The following AGAP1 variants were observed in gnomAD, a reference collection of about 807,000 sequenced individuals.
AGAP1 encodes ArfGAP with GTPase domain, ankyrin repeat and PH domain 1.
AGAP1 carries 29 observed loss-of-function variants against 105.3 expected under a neutral mutation model. That is an observed-to-expected ratio of 0.28 (90% CI 0.21 to 0.38). The LOEUF (loss-of-function observed/expected upper bound fraction) is 0.38, where lower values mean the gene tolerates loss of function less well. Among genes scored for constraint, AGAP1 ranks in the 10% least tolerant of loss-of-function variants. The pLI is 1.00. For synonymous variants in AGAP1, 509 were observed against 485.9 expected, an observed-to-expected ratio of 1.05 and a Z score of -0.63; for missense variants, 998 against 1,165.1, an observed-to-expected ratio of 0.86 and a Z score of 2.09.
Position 235,864,805 on chromosome 2 carries a change from G to C in AGAP1, c.1051-18540G>C, listed in dbSNP as rs2049082372. Among the ~76,000 whole-genome samples, 1 of 152,040 alleles carries C rather than the reference G, an allele frequency of 6.6e-6. No individual in the cohort carries two copies. Among genetic ancestry groups the C allele is most frequent in the Admixed American group, 6.5e-5 (1 of 15,268 alleles). Reference sequence around the variant, plus strand: ...CCTTTGGATGGAGGAGGTTTGGTTTGGTCTTAGTACCCCAGCATACAGTAG... The same window carrying C: ...CCTTTGGATGGAGGAGGTTTGGTTTCGTCTTAGTACCCCAGCATACAGTAG... On this transcript the variant is annotated intron_variant, in intron 9 of 17. Coordinates refer to ENST00000304032, the MANE Select transcript of AGAP1 (RefSeq NM_001037131.3). This position sits in a 1 kb window ranked among gnomAD's most constrained non-coding sequence, Gnocchi z 5.0.
chr2:235,629,268 TTGTGTGTGTGTG>T (rs60059513), intron 1 of AGAP1, among the ~76,000 whole-genome samples: 38,342 of 135,810 alleles, frequency 0.28, 5,302 homozygotes, highest in Admixed American at 0.34. Context: ...GTAGTAGTCA[TTGTGTGTGTGTG>T]TGTGTGTGTG....
chr2:235,721,475 TTATGTGTG>T lies in AGAP1; in HGVS notation c.310+3833_310+3840del, dbSNP rs1559395560. 1.8e-5 allele frequency among the ~76,000 whole-genome samples: 2 copies of T among 108,210 alleles called. No individual in the cohort carries two copies. The highest frequency in any genetic ancestry group is 6.4e-5 in the African/African-American group (2 of 31,050). The allele number at this position is 108,210 out of a possible 152,430, so 71.0% of individuals were successfully genotyped here. A position where few individuals can be genotyped will look rare whatever the true frequency, so the allele number is the denominator to read the frequency against. ...TCTTGGATTGACAGATTCCTTAATA[TTATGTGTG>T]TGTGTGTGTGTGTGTGTGTGTACAC... On this transcript the variant is annotated intron_variant, in intron 3 of 17. Transcript: ENST00000304032. The surrounding 1 kb of genome is among the most constrained non-coding windows in gnomAD (Gnocchi z 4.5).
chr2:235,763,772 T>G (rs1191585102), intron 6 of AGAP1, among the ~76,000 whole-genome samples: 1 of 152,194 alleles, frequency 6.6e-6, no homozygotes, highest in Non-Finnish European at 1.5e-5. Context: ...CCCCCAAATA[T>G]GAAAATAAGT....
rs766913840 is a variant in AGAP1, at chr2:236,090,898, C to G, written c.2115-29294C>G. On this transcript the variant is annotated intron_variant, in intron 16 of 17. Transcript: ENST00000304032. This position sits in a 1 kb window ranked among gnomAD's most constrained non-coding sequence, Gnocchi z 4.3. ...GGGATTACAGGCATGCGCCACCATA[C>G]CCGGCTAATTTTGCATTTTTAGTAG... Among the ~76,000 whole-genome samples the G allele has an allele frequency of 1.2e-4, 18 of 152,282 alleles. No homozygotes were observed. The highest frequency in any genetic ancestry group is 1.8e-4 in the Non-Finnish European group (12 of 68,010).
At chr2:235,795,381 C>T (rs1266287726) in intron 6 of AGAP1, among the ~76,000 whole-genome samples, 5 of 152,204 alleles carry the variant, frequency 3.3e-5, no homozygotes, top group African/African-American at 4.8e-5. Flanking sequence ...AGCATTGACT[C>T]TGTAGTCAGT....
rs1051992971 is a variant in AGAP1, at chr2:235,989,425, C to T, written c.1645+20802C>T. On this transcript the variant is annotated intron_variant, in intron 13 of 17. Transcript: ENST00000304032. This position sits in a 1 kb window ranked among gnomAD's most constrained non-coding sequence, Gnocchi z 4.4. Reference sequence around the variant, plus strand: ...AGGTGAAAACATCAGGAGGAGGGTCCGCAGCTCGATGGTGATGAGTGTAGG... The same window carrying T: ...AGGTGAAAACATCAGGAGGAGGGTCTGCAGCTCGATGGTGATGAGTGTAGG... Among the ~76,000 whole-genome samples the T allele has an allele frequency of 6.6e-6, 1 of 152,056 alleles. No individual in the cohort carries two copies. Among genetic ancestry groups the T allele is most frequent in the Non-Finnish European group, 1.5e-5 (1 of 68,020 alleles).
At chr2:236,077,348 T>C (rs1237916353) in intron 16 of AGAP1, among the ~76,000 whole-genome samples, 1 of 150,918 alleles carries the variant, frequency 6.6e-6, no homozygotes, top group Non-Finnish European at 1.5e-5. Context: ...TGAGACAGTT[T>C]CGCTCTGTTG....
intron 12 of AGAP1, among the ~76,000 whole-genome samples, chr2:235,949,697 C>T (rs2053650670): frequency 6.6e-6 from 1 of 152,134 alleles, no homozygotes; most frequent in South Asian, 2.1e-4. Flanking sequence ...TTCCATTTTC[C>T]ACTTATCCTC....
rs886410183 is a variant in AGAP1 at position 236,062,766 on chromosome 2, A to G, written c.2114+13485A>G. Reference sequence around the variant, plus strand: ...AACCTCCACCTCCTGGGTTCAAGCAAATTCTCTGCCTCAGCCTCCCAAGTA... The same window carrying G: ...AACCTCCACCTCCTGGGTTCAAGCAGATTCTCTGCCTCAGCCTCCCAAGTA... On this transcript the variant is annotated intron_variant, in intron 16 of 17. Transcript: ENST00000304032. The surrounding 1 kb of genome is among the most constrained non-coding windows in gnomAD (Gnocchi z 4.2). 3.3e-5 allele frequency among the ~76,000 whole-genome samples: 5 copies of G among 152,032 alleles called. No individual in the cohort carries two copies. Among genetic ancestry groups the G allele is most frequent in the Middle Eastern group, 3.2e-3 (1 of 314 alleles).
At position 235,670,671 on chromosome 2, in the gene AGAP1, C is replaced by A. The variant is rs977759074; in HGVS notation, c.164-38508C>A. The A allele has an allele frequency of 1.1e-5, 7 of 663,256 alleles. No homozygotes were observed. The African/African-American group carries it at 1.3e-4, about 13-fold the overall frequency. 41.1% of individuals were successfully genotyped at this position (663,256 alleles called of 1,614,324 possible). On this transcript the variant is annotated intron_variant, in intron 1 of 17. Transcript: ENST00000304032. ...TGGGCGCCGTGCGACGAGGCCGCGG[C>A]CGGGACCACCCTGGAGCCCGCGACC...
In AGAP1 at chr2:235,611,835, C is replaced by T. The variant is rs1407877226; in HGVS notation, c.164-97344C>T. 6.6e-6 allele frequency among the ~76,000 whole-genome samples: 1 copy of T among 152,164 alleles called. No individual in the cohort carries two copies. The highest frequency in any genetic ancestry group is 1.5e-5 in the Non-Finnish European group (1 of 68,032). On this transcript the variant is annotated intron_variant, in intron 1 of 17. Coordinates refer to ENST00000304032, the MANE Select transcript of AGAP1 (RefSeq NM_001037131.3). The surrounding 1 kb of genome is among the most constrained non-coding windows in gnomAD (Gnocchi z 5.0). ...ATATAAATTAGATTTACATAGGAGA[C>T]AAAGAAATCCTTCCCTCCCTGTTCC...
Position 236,000,420 on chromosome 2 carries a change from C to T in AGAP1, c.1645+31797C>T, listed in dbSNP as rs1209884816. 6.6e-6 allele frequency among the ~76,000 whole-genome samples: 1 copy of T among 152,160 alleles called. No homozygotes were observed. ...AGGACTTTCTGTACAAAAATCACTA[C>T]GCGTGACAGCTCAAATAATAAACAG... On this transcript the variant is annotated intron_variant, in intron 13 of 17. Transcript: ENST00000304032. The surrounding 1 kb of genome is among the most constrained non-coding windows in gnomAD (Gnocchi z 4.3).
At chr2:235,588,392 C>T (rs755639545) in intron 1 of AGAP1, among the ~76,000 whole-genome samples, 5 of 152,110 alleles carry the variant, frequency 3.3e-5, no homozygotes, top group Non-Finnish European at 5.9e-5. Flanking sequence ...CTCAACCACC[C>T]TTCCCATTTC....
At position 235,648,716 on chromosome 2, in the gene AGAP1, A is replaced by C. The variant is rs879727701; in HGVS notation, c.164-60463A>C. Among the ~76,000 whole-genome samples, 631 of 151,560 alleles carry C rather than the reference A, an allele frequency of 4.2e-3. 3 individuals are homozygous for C. Among genetic ancestry groups the C allele is most frequent in the South Asian group, 0.01 (48 of 4,774 alleles). On this transcript the variant is annotated intron_variant, in intron 1 of 17. Transcript: ENST00000304032. ...GTGAAACCCCATCTCTACAAAAAAA[A>C]AAAAAAAAAAAAAAAAAAACATTAG...
chr2:236,125,069 A>T lies in AGAP1; in HGVS notation c.*947A>T. 6.0e-6 allele frequency: 1 copy of T among 166,174 alleles called. No homozygotes were observed. Among genetic ancestry groups the T allele is most frequent in the Non-Finnish European group, 1.5e-5 (1 of 68,120 alleles). 10.3% of individuals were successfully genotyped at this position (166,174 alleles called of 1,614,324 possible). On this transcript the variant is annotated 3_prime_UTR_variant, in exon 18 of 18. Coordinates refer to ENST00000304032, the MANE Select transcript of AGAP1 (RefSeq NM_001037131.3). The surrounding 1 kb of genome is among the most constrained non-coding windows in gnomAD (Gnocchi z 5.2). ...ATAGCATTTCGAGTATATTTCGTAA[A>T]CTAAGGAAATACACAAAAGGCTGTT...
Position 235,927,015 on chromosome 2 carries a change from G to A in AGAP1, c.1325-3750G>A, listed in dbSNP as rs1189531035. On this transcript the variant is annotated intron_variant, in intron 11 of 17. Coordinates refer to ENST00000304032, the MANE Select transcript of AGAP1 (RefSeq NM_001037131.3). The surrounding 1 kb of genome is among the most constrained non-coding windows in gnomAD (Gnocchi z 4.4). ...ATCAACTAAGTAAAAATGTCTCTAT[G>A]AGCTCAGCCTGGACGTCAGGCGATA... is the stretch of plus-strand genomic sequence containing the variant. 2.6e-5 allele frequency among the ~76,000 whole-genome samples: 4 copies of A among 152,208 alleles called. No homozygotes were observed. Among genetic ancestry groups the A allele is most frequent in the Non-Finnish European group, 5.9e-5 (4 of 68,050 alleles).
In AGAP1 at chr2:235,763,996, G is replaced by A. The variant is rs10203321; in HGVS notation, c.673+13508G>A. ...CTGGTCTGAAGATCTGTGTGTGGCT[G>A]TGATCCGTGCGTGGCTGTGACCCGT... is the stretch of plus-strand genomic sequence containing the variant. On this transcript the variant is annotated intron_variant, in intron 6 of 17. Coordinates refer to ENST00000304032, the MANE Select transcript of AGAP1 (RefSeq NM_001037131.3). 6.7e-3 allele frequency among the ~76,000 whole-genome samples: 1,018 copies of A among 151,524 alleles called. 10 individuals carry two copies. The highest frequency in any genetic ancestry group is 0.024 in the African/African-American group (984 of 40,874).
intron 6 of AGAP1, among the ~76,000 whole-genome samples, chr2:235,783,703 G>A (rs1390080716): frequency 6.6e-6 from 1 of 152,186 alleles, no homozygotes; most frequent in East Asian, 1.9e-4. Flanking sequence ...TCGGAAGAAT[G>A]GTTGCCAGGA....
rs1394065290 is a variant in AGAP1, at chr2:236,114,346, C to T, written c.2115-5846C>T. On this transcript the variant is annotated intron_variant, in intron 16 of 17. Coordinates refer to ENST00000304032, the MANE Select transcript of AGAP1 (RefSeq NM_001037131.3). This position sits in a 1 kb window ranked among gnomAD's most constrained non-coding sequence, Gnocchi z 5.0. Reference sequence around the variant, plus strand: ...GCTTCTTAGGGCAAATGCCTCTAGACGGAATAGTCTCATCGAGAAGAAGCC... The same window carrying T: ...GCTTCTTAGGGCAAATGCCTCTAGATGGAATAGTCTCATCGAGAAGAAGCC... Among the ~76,000 whole-genome samples the T allele has an allele frequency of 6.6e-6, 1 of 152,154 alleles. No individual in the cohort carries two copies. Among genetic ancestry groups the T allele is most frequent in the African/African-American group, 2.4e-5 (1 of 41,420 alleles).
Sources: allele counts gnomAD v4.1 joint callset (sites outside exome capture counted in the v4.1 genomes callset), GRCh38; gene constraint gnomAD v4.1.1; non-coding constraint Gnocchi (gnomAD v3.1); transcripts MANE v1.5; gene names NCBI Gene and HGNC (gene_info 2026-07-23, HGNC 2026-07-21).